PTGER3: variants seen among roughly 807,000 people sequenced by gnomAD.
The protein encoded by PTGER3 is prostaglandin E2 receptor EP3 subtype.
In PTGER3, 22 loss-of-function variants were observed where a neutral mutation model predicts 34.7. The ratio of observed to expected loss-of-function variants is 0.63; its 90% CI spans 0.45 to 0.91. PTGER3 has a LOEUF of 0.91. Among genes scored for constraint, PTGER3 ranks in the 40% least tolerant of loss-of-function variants. PTGER3 has a pLI of 0.00. For synonymous variants in PTGER3, 241 were observed against 230.1 expected, an observed-to-expected ratio of 1.05 and a Z score of -0.43; for missense variants, 468 against 519.4, an observed-to-expected ratio of 0.90 and a Z score of 0.96.
chr1:70,854,998 G>C (rs1645768636), intron 4 of PTGER3, among the ~76,000 whole-genome samples: 1 of 152,146 alleles, frequency 6.6e-6, no homozygotes, highest in African/African-American at 2.4e-5. Context: ...ATTGAAGACA[G>C]ACTCTTGATG....
chr1:70,921,842 A>G (rs1647563328), intron 4 of PTGER3, among the ~76,000 whole-genome samples: 1 of 152,064 alleles, frequency 6.6e-6, no homozygotes, highest in South Asian at 2.1e-4. Flanking sequence ...ATGTATTTAT[A>G]TGTATTATTT....
At chr1:70,904,154 T>C (rs967176655) in intron 4 of PTGER3, among the ~76,000 whole-genome samples, 13 of 152,322 alleles carry the variant, frequency 8.5e-5, no homozygotes, top group African/African-American at 2.9e-4. Flanking sequence ...ATGTAAGATG[T>C]GACTTGCTCC....
chr1:70,895,340 A>G (rs1646702136), intron 4 of PTGER3, among the ~76,000 whole-genome samples: 1 of 152,222 alleles, frequency 6.6e-6, no homozygotes, highest in Non-Finnish European at 1.5e-5. Flanking sequence ...TCATGTGGTT[A>G]GTATTCTGCC....
Position 70,971,296 on chromosome 1 carries a change from T to A in PTGER3, c.*434A>T. ...CTATTAATTGAATTATCACTCTCAA[T>A]ATGTTGACTTTTCACCATCATAAGC... On this transcript the variant is annotated 3_prime_UTR_variant, in exon 4 of 4. Transcript: ENST00000306666. The A allele has an allele frequency of 1.0e-6, 1 of 987,216 alleles. No individual in the cohort carries two copies. Among genetic ancestry groups the A allele is most frequent in the Non-Finnish European group, 1.2e-6 (1 of 831,224 alleles). The allele number at this position is 987,216 out of a possible 1,614,324, so 61.2% of individuals were successfully genotyped here.
At position 70,988,588 on chromosome 1, in the gene PTGER3, A is replaced by G. The variant is rs540577718; in HGVS notation, c.1078-14200T>C. ...TAATGGCTGGAGCTCGAGCAGCTAT[A>G]TTGGATTATGAGGATGTAAACTAAG... is the stretch of plus-strand genomic sequence containing the variant. On this transcript the variant is annotated intron_variant, in intron 2 of 3. Coordinates refer to ENST00000306666, the MANE Select transcript of PTGER3 (RefSeq NM_198719.2). Among the ~76,000 whole-genome samples the G allele has an allele frequency of 7.9e-5, 12 of 152,274 alleles. No homozygotes were observed. The South Asian group carries it at 2.3e-3, about 29-fold the overall frequency.
At chr1:70,901,204 G>A (rs1157853286) in intron 4 of PTGER3, among the ~76,000 whole-genome samples, 1 of 152,138 alleles carries the variant, frequency 6.6e-6, no homozygotes, top group African/African-American at 2.4e-5. Flanking sequence ...TTTTGGAGTG[G>A]GGCAGGCTTC....
downstream of PTGER3, among the ~76,000 whole-genome samples, chr1:70,968,770 A>G (rs1652792895): frequency 6.6e-6 from 1 of 151,786 alleles, no homozygotes; most frequent in Admixed American, 6.6e-5. Flanking sequence ...GTTTCTCTAC[A>G]TCAGATTTTA....
At chr1:71,045,179 T>G (rs897317470) in intron 1 of PTGER3, among the ~76,000 whole-genome samples, 7 of 152,206 alleles carry the variant, frequency 4.6e-5, no homozygotes, top group African/African-American at 1.7e-4. Context: ...GTCACTGATT[T>G]GGAGCCAAGG....
At position 70,853,626 on chromosome 1, in the gene PTGER3, T is replaced by G. The variant is rs1004787062; in HGVS notation, c.*24-767A>C. On this transcript the variant is annotated intron_variant, in intron 4 of 4. Transcript: ENST00000370931. ...TTGTAGTGGGCCATAATTTTTAGAG[T>G]TATACTGAATTATGAAGGGGTAAAA... 3.3e-5 allele frequency among the ~76,000 whole-genome samples: 5 copies of G among 152,092 alleles called. No individual in the cohort carries two copies. In the South Asian group the frequency reaches 6.2e-4, roughly 19 times the overall value.
intron 2 of PTGER3, among the ~76,000 whole-genome samples, chr1:70,965,034 A>T (rs537217935): frequency 1.3e-5 from 2 of 152,338 alleles, no homozygotes; most frequent in East Asian, 3.9e-4. Flanking sequence ...TTGAAATATG[A>T]AAGATGAGTG....
At chr1:70,936,709 A>G (rs983328487) in intron 4 of PTGER3, among the ~76,000 whole-genome samples, 2 of 152,302 alleles carry the variant, frequency 1.3e-5, no homozygotes, top group East Asian at 3.9e-4. Context: ...TGGCTTAGAC[A>G]AATTTTAGGT....
intron 2 of PTGER3, among the ~76,000 whole-genome samples, chr1:71,005,393 A>G (rs1191141006): frequency 6.6e-6 from 1 of 152,206 alleles, no homozygotes; most frequent in African/African-American, 2.4e-5. Context: ...TTTACAGGTT[A>G]ACACCTATTC....
At chr1:70,938,072 T>G (rs976837616) in intron 4 of PTGER3, among the ~76,000 whole-genome samples, 4 of 152,156 alleles carry the variant, frequency 2.6e-5, no homozygotes, top group Non-Finnish European at 4.4e-5. Flanking sequence ...CTGTTTACAC[T>G]CTCCTCTTTA....
chr1:71,002,636 A>AAGAGTC (rs1656594747), intron 2 of PTGER3, among the ~76,000 whole-genome samples: 3 of 152,364 alleles, frequency 2.0e-5, no homozygotes, highest in South Asian at 2.1e-4. Context: ...GGACAGGGAT[A>AAGAGTC]AGAGTCATGC....
downstream of PTGER3, among the ~76,000 whole-genome samples, chr1:70,967,043 G>T (rs12407552): frequency 0.24 from 35,841 of 151,770 alleles, 4,394 homozygotes; most frequent in Middle Eastern, 0.33. Flanking sequence ...CACAATGATT[G>T]AACTAATTTA....
At chr1:70,946,651 G>C (rs1314857709) in intron 4 of PTGER3, among the ~76,000 whole-genome samples, 1 of 152,040 alleles carries the variant, frequency 6.6e-6, no homozygotes, top group African/African-American at 2.4e-5. Flanking sequence ...GTAGGTCCTG[G>C]GTGTTCATGG....
intron 1 of PTGER3, among the ~76,000 whole-genome samples, chr1:71,038,687 C>T (rs1043494231): frequency 8.5e-5 from 13 of 152,196 alleles, no homozygotes; most frequent in African/African-American, 3.1e-4. Context: ...AAAAATAACA[C>T]ATTGTGCTAT....
chr1:70,866,306 A>G (rs890740596), intron 4 of PTGER3, among the ~76,000 whole-genome samples: 2 of 152,146 alleles, frequency 1.3e-5, no homozygotes, highest in Admixed American at 6.5e-5. Context: ...TAGAACACAG[A>G]CTTACTTTCA....
chr1:70,982,833 G>A (rs1654516998), intron 2 of PTGER3, among the ~76,000 whole-genome samples: 1 of 151,536 alleles, frequency 6.6e-6, no homozygotes, highest in South Asian at 2.1e-4. Context: ...TGAAGTTCTC[G>A]GTAAAGACTC....
Sources: allele counts gnomAD v4.1 joint callset (sites outside exome capture counted in the v4.1 genomes callset), GRCh38; gene constraint gnomAD v4.1.1; transcripts MANE v1.5; gene names NCBI Gene and HGNC (gene_info 2026-07-23, HGNC 2026-07-21).